SNRNP200: variants seen among roughly 807,000 people sequenced by gnomAD.
SNRNP200 encodes the protein U5 small nuclear ribonucleoprotein 200 kDa helicase.
Under a neutral mutation model 255.2 loss-of-function variants are expected in SNRNP200, and 66 were observed. That is an observed-to-expected ratio of 0.26 (90% CI 0.21 to 0.32). SNRNP200 has a LOEUF of 0.32. Among genes scored for constraint, SNRNP200 ranks in the 10% least tolerant of loss-of-function variants. The pLI, the probability that SNRNP200 is intolerant of heterozygous loss-of-function variation, is 1.00. For missense variants in SNRNP200, 1,585 were observed against 2,749.8 expected (o/e 0.58, Z 9.47); for synonymous variants, 939 against 1,027.8 (o/e 0.91, Z 1.65).
intron 29 of SNRNP200, among the ~76,000 whole-genome samples, chr2:96,285,835 C>T (rs759087420): frequency 1.3e-5 from 2 of 152,316 alleles, no homozygotes; most frequent in Middle Eastern, 3.4e-3. Context: ...CTCAGTTCCT[C>T]ACCTATAAAA....
chr2:96,297,633 C>A lies in SNRNP200; in HGVS notation c.1203+4G>T. 2 of 1,614,250 alleles carry A rather than the reference C, an allele frequency of 1.2e-6. No individual in the cohort carries two copies. Among genetic ancestry groups the A allele is most frequent in the South Asian group, 2.2e-5 (2 of 91,082 alleles). Reference sequence around the variant, plus strand: ...CCTGGGAAATAAATCGCCCTGGATCCTACCTCTCCACCCTGGTCGAGATCC... The same window carrying A: ...CCTGGGAAATAAATCGCCCTGGATCATACCTCTCCACCCTGGTCGAGATCC... On this transcript the variant is annotated splice_donor_region_variant and intron_variant, in intron 10 of 44. Transcript: ENST00000323853.
chr2:96,299,491 C>A, intron 5 of SNRNP200, 64 bp from the exon 6 acceptor site: 1 of 1,363,826 alleles, frequency 7.3e-7, no homozygotes, highest in African/African-American at 1.4e-5. Context: ...CAGAACCTCT[C>A]CCTCAAGTCA....
At position 96,304,283 on chromosome 2, in the gene SNRNP200, G is replaced by T. The variant is rs547365294; in HGVS notation, c.209+422C>A. ...AATAAAGGAAAAAAATGCAAACTAA[G>T]AAAGAAACCTGTCTTTCATACTATG... On this transcript the variant is annotated intron_variant, in intron 2 of 44. Coordinates refer to ENST00000323853, the MANE Select transcript of SNRNP200 (RefSeq NM_014014.5). 7.2e-5 allele frequency among the ~76,000 whole-genome samples: 11 copies of T among 151,856 alleles called. No individual in the cohort carries two copies. In the South Asian group the frequency reaches 2.3e-3, roughly 32 times the overall value.
At chr2:96,301,235 C>T (rs1055950950) in intron 4 of SNRNP200, among the ~76,000 whole-genome samples, 182 bp from the exon 5 acceptor site, 5 of 152,224 alleles carry the variant, frequency 3.3e-5, no homozygotes, top group African/African-American at 9.6e-5. Flanking sequence ...AGACCTTCTC[C>T]ACCTGCCAGC....
chr2:96,281,370 T>C (rs984343402), intron 35 of SNRNP200: 2 of 212,954 alleles, frequency 9.4e-6, no homozygotes, highest in Non-Finnish European at 1.9e-5. Context: ...GGTTTCACTA[T>C]GTTAGCCACA....
Position 96,288,665 on chromosome 2 carries a change from G to C in SNRNP200, c.3256C>G (p.Gln1086Glu). The C allele has an allele frequency of 6.2e-7, 1 of 1,613,472 alleles. No individual in the cohort carries two copies. Among genetic ancestry groups the C allele is most frequent in the Non-Finnish European group, 8.5e-7 (1 of 1,179,458 alleles). The part of the protein sequence containing the change: ...ALMADMVYVT[Q>E]SAGRLMRAIF... ...CTGCCATACAACTCCGCTCTCACCT[G>C]TGTGACATACACCATGTCAGCCATC... The change falls in exon 24 of 45, where the codon CAG becomes GAG. Residue 1086 changes from glutamine (Q) to glutamate (E), a missense_variant and splice_region_variant. Gln to Glu is a conservative substitution (Grantham distance 29, BLOSUM62 2). Around this residue, in one of 9 missense-constraint regions of SNRNP200, gnomAD observed 719 missense variants for 1,091.1 expected, o/e 0.66. Coordinates refer to ENST00000323853, the MANE Select transcript of SNRNP200 (RefSeq NM_014014.5).
At chr2:96,296,869 C>T (rs989933322) in intron 12 of SNRNP200, 64 bp downstream of exon 12, 2 of 1,610,198 alleles carry the variant, frequency 1.2e-6, no homozygotes, top group African/African-American at 1.3e-5. Context: ...AAATAAAAAA[C>T]AATCTTGCAA....
intron 13 of SNRNP200, 143 bp from the exon 14 acceptor site, chr2:96,295,801 A>G (rs1192439229): frequency 1.2e-6 from 1 of 851,108 alleles, no homozygotes; most frequent in Non-Finnish European, 1.9e-6. Flanking sequence ...TCTTATGAAC[A>G]TATCTTCCTC....
At chr2:96,305,337 C>G (rs1558773883) in intron 1 of SNRNP200, 56 bp downstream of exon 1, 1 of 1,608,084 alleles carries the variant, frequency 6.2e-7, no homozygotes, top group Non-Finnish European at 8.5e-7. Context: ...CTTTTTCAGC[C>G]TCCCCCTCCC....
rs748118524 is a variant in SNRNP200, at chr2:96,284,364, C to G, written c.4386G>C (p.Glu1462Asp). Residue 1462 changes from glutamate to aspartate, a missense_variant, in exon 31 of 45, where the codon GAG (glutamate) becomes GAC (aspartate). Around this residue, in one of 9 missense-constraint regions of SNRNP200, gnomAD observed 719 missense variants for 1,091.1 expected, o/e 0.66. Transcript: ENST00000323853. ...CTGCAAGGTCACGCCATACCCCATT[C>G]TCGCCCCCGATAAGGTGGACCTCAT... ...VVDEVHLIGG[E>D]NGPVLEVICS... 3 of 1,613,848 alleles carry G rather than the reference C, an allele frequency of 1.9e-6. No individual in the cohort carries two copies. Among genetic ancestry groups the G allele is most frequent in the Non-Finnish European group, 2.5e-6 (3 of 1,179,790 alleles).
Position 96,293,522 on chromosome 2 carries a change from A to C in SNRNP200, c.1843-13T>G. ...GATGAATCTCATCCTACGGAATTGG[A>C]GGACAGAAATTACCTCTAGCACTAG... is the stretch of plus-strand genomic sequence containing the variant. On this transcript the variant is annotated splice_polypyrimidine_tract_variant and intron_variant, in intron 14 of 44. Coordinates refer to ENST00000323853, the MANE Select transcript of SNRNP200 (RefSeq NM_014014.5). 1 of 1,611,026 alleles carries C rather than the reference A, an allele frequency of 6.2e-7. No individual in the cohort carries two copies. Among genetic ancestry groups the C allele is most frequent in the South Asian group, 1.1e-5 (1 of 90,966 alleles).
chr2:96,303,353 T>A, intron 2 of SNRNP200, 23 bp from the exon 3 acceptor site: 1 of 1,613,902 alleles, frequency 6.2e-7, no homozygotes, highest in Non-Finnish European at 8.5e-7. Flanking sequence ...CAATGTGATA[T>A]TGAATGGCAG....
At chr2:96,300,523 G>A (rs1010063837) in intron 5 of SNRNP200, among the ~76,000 whole-genome samples, 2 of 152,146 alleles carry the variant, frequency 1.3e-5, no homozygotes, top group African/African-American at 2.4e-5. Flanking sequence ...CACTTTGGGA[G>A]GCCGACGGGG....
chr2:96,291,577 A>AT lies in SNRNP200; in HGVS notation c.2311-76dup. ...CCAAGGACTAAGGAAATCTCCTCCC[A>AT]TGAGACCCTGCCCCTTAACTATTAT... On this transcript the variant is annotated intron_variant, in intron 17 of 44. Coordinates refer to ENST00000323853, the MANE Select transcript of SNRNP200 (RefSeq NM_014014.5). The surrounding 1 kb of genome is among the most constrained non-coding windows in gnomAD (Gnocchi z 4.2). 2.4e-6 allele frequency: 3 copies of AT among 1,244,086 alleles called. No homozygotes were observed. The South Asian group carries it at 3.6e-5, about 15-fold the overall frequency. 77.1% of individuals were successfully genotyped at this position (1,244,086 alleles called of 1,614,324 possible).
chr2:96,301,461 G>T (rs2063951619), intron 4 of SNRNP200, 63 bp downstream of exon 4: 5 of 1,483,752 alleles, frequency 3.4e-6, no homozygotes, highest in Non-Finnish European at 4.7e-6. Flanking sequence ...GATGCTAGAA[G>T]ATGCATGTTT....
intron 14 of SNRNP200, among the ~76,000 whole-genome samples, chr2:96,295,038 G>A (rs2063907948): frequency 6.6e-6 from 1 of 152,044 alleles, no homozygotes; most frequent in African/African-American, 2.4e-5. Flanking sequence ...GTGAAACCCA[G>A]TCTCTACTAA....
rs1223054032 is a variant in SNRNP200 at position 96,287,960 on chromosome 2, G to T, written c.3268C>A (p.Arg1090=). The change falls in exon 25 of 45, where the codon CGG becomes AGG. Residue 1090 remains arginine (R), a synonymous_variant. Coordinates refer to ENST00000323853, the MANE Select transcript of SNRNP200 (RefSeq NM_014014.5). This position sits in a 1 kb window ranked among gnomAD's most constrained non-coding sequence, Gnocchi z 5.7. ...DMVYVTQSAG[R]LMRAIFEIVL... is the part of the protein sequence containing the mutation. Reference sequence around the variant, plus strand: ...ATTTCAAATATCGCTCGCATCAACCGGCCAGCCGACTAAGCAAAGAAGCAG... The same window carrying T: ...ATTTCAAATATCGCTCGCATCAACCTGCCAGCCGACTAAGCAAAGAAGCAG... 29 of 1,614,036 alleles carry T rather than the reference G, an allele frequency of 1.8e-5. No homozygotes were observed. Among genetic ancestry groups the T allele is most frequent in the Non-Finnish European group, 2.3e-5 (27 of 1,180,016 alleles).
At position 96,286,491 on chromosome 2, in the gene SNRNP200, G is replaced by C. The variant is rs1465482435; in HGVS notation, c.3830-7C>G. On this transcript the variant is annotated splice_polypyrimidine_tract_variant and splice_region_variant and intron_variant, in intron 28 of 44. Coordinates refer to ENST00000323853, the MANE Select transcript of SNRNP200 (RefSeq NM_014014.5). This position sits in a 1 kb window ranked among gnomAD's most constrained non-coding sequence, Gnocchi z 4.8. Reference sequence around the variant, plus strand: ...GGCAGCTGGGTCTCACAAGCTGCCAGAAAAGAAACAGGAAGGATATAAGCA... The same window carrying C: ...GGCAGCTGGGTCTCACAAGCTGCCACAAAAGAAACAGGAAGGATATAAGCA... 3 of 1,614,058 alleles carry C rather than the reference G, an allele frequency of 1.9e-6. No homozygotes were observed. The East Asian group carries it at 6.7e-5, about 36-fold the overall frequency.
At position 96,287,357 on chromosome 2, in the gene SNRNP200, G is replaced by T; in HGVS notation, c.3484+82C>A. ...AGTGAACACAGGATACTAATGCACA[G>T]GCCTAGGAACAGGAAGACTACATAG... On this transcript the variant is annotated intron_variant, in intron 26 of 44. Transcript: ENST00000323853. This position sits in a 1 kb window ranked among gnomAD's most constrained non-coding sequence, Gnocchi z 5.7. 8.3e-7 allele frequency: 1 copy of T among 1,197,898 alleles called. No individual in the cohort carries two copies. Among genetic ancestry groups the T allele is most frequent in the Non-Finnish European group, 1.2e-6 (1 of 800,352 alleles). The allele number at this position is 1,197,898 out of a possible 1,614,324, so 74.2% of individuals were successfully genotyped here.
Sources: allele counts gnomAD v4.1 joint callset (sites outside exome capture counted in the v4.1 genomes callset), GRCh38; gene constraint gnomAD v4.1.1; regional missense constraint gnomAD v4.1.1; non-coding constraint Gnocchi (gnomAD v3.1); transcripts MANE v1.5; gene names NCBI Gene and HGNC (gene_info 2026-07-23, HGNC 2026-07-21).